The following GLB1L2 variants were observed in gnomAD, a reference collection of about 807,000 sequenced individuals.
GLB1L2 encodes galactosidase beta 1 like 2.
In GLB1L2, 68 loss-of-function variants were observed where a neutral mutation model predicts 84.1. That is an observed-to-expected ratio of 0.81 (90% CI 0.67 to 0.99). The LOEUF (loss-of-function observed/expected upper bound fraction) is 0.99. Ranked by LOEUF, GLB1L2 falls within the 50% of genes least tolerant of loss-of-function variation. The pLI is 0.00. For synonymous variants in GLB1L2, 290 were observed against 318.0 expected, an observed-to-expected ratio of 0.91 and a Z score of 0.94; for missense variants, 762 against 805.6, an observed-to-expected ratio of 0.95 and a Z score of 0.66.
rs752569571 is a variant in GLB1L2, at chr11:134,375,007, A to G, written c.1860A>G (p.Ala620=). ...TTGAGGAGACGATGGCGGGCCCTGCATTACAGTTCACGGAAACCCCCCACC... is the reference window on the plus strand; with the variant it reads ...TTGAGGAGACGATGGCGGGCCCTGCGTTACAGTTCACGGAAACCCCCCACC... ...IVFEETMAGP[A]LQFTETPHLG... is the part of the protein sequence containing the mutation. The change falls in exon 19 of 19, where the codon GCA becomes GCG. Residue 620 remains alanine, a synonymous_variant. Transcript: ENST00000535456. 1.9e-6 allele frequency: 3 copies of G among 1,613,846 alleles called. No homozygotes were observed. The highest frequency in any genetic ancestry group is 2.5e-6 in the Non-Finnish European group (3 of 1,179,972).
At chr11:134,374,044 C>T (rs1333342750) in intron 16 of GLB1L2, 101 bp from the exon 17 acceptor site, 1 of 879,812 alleles carries the variant, frequency 1.1e-6, no homozygotes, top group Non-Finnish European at 1.9e-6. Context: ...AGGCGGGGGG[C>T]CTTGGATGGG....
intron 10 of GLB1L2, among the ~76,000 whole-genome samples, chr11:134,369,518 G>T (rs1442824693): frequency 6.6e-6 from 1 of 151,780 alleles, no homozygotes; most frequent in Non-Finnish European, 1.5e-5. Context: ...GCCTCCCAAA[G>T]TGCTGGGATT....
rs1377690371 is a variant in GLB1L2, at chr11:134,339,158, G to A, written c.87-3596G>A. ...ACAGAAACACGCTGGGCTTCCTTAG[G>A]ATTTGGTTAGCTGCTTGGTATCAAG... On this transcript the variant is annotated intron_variant, in intron 1 of 18. Coordinates refer to ENST00000535456, the MANE Select transcript of GLB1L2 (RefSeq NM_001370461.1). The surrounding 1 kb of genome is among the most constrained non-coding windows in gnomAD (Gnocchi z 5.7). Among the ~76,000 whole-genome samples, 24 of 152,296 alleles carry A rather than the reference G, an allele frequency of 1.6e-4. No homozygotes were observed. Among genetic ancestry groups the A allele is most frequent in the Admixed American group, 1.5e-3 (23 of 15,298 alleles).
chr11:134,375,058 A>G lies in GLB1L2; in HGVS notation c.1911A>G (p.Ter637TrpextTer163), dbSNP rs1447973989. The G allele has an allele frequency of 6.2e-7, 1 of 1,612,600 alleles. No individual in the cohort carries two copies. Among genetic ancestry groups the G allele is most frequent in the African/African-American group, 1.3e-5 (1 of 74,880 alleles). Reference protein sequence around the residue: ...PHLGRNQYIK* With the variant: ...PHLGRNQYIKW ...TGGGCAGGAACCAGTACATTAAGTG[A>G]GCGGTGGCACCCCCTCCTGCTGGTG... The change falls in exon 19 of 19, where the codon TGA becomes TGG. Residue 637 changes from the stop codon to tryptophan (W), a stop_lost. Coordinates refer to ENST00000535456, the MANE Select transcript of GLB1L2 (RefSeq NM_001370461.1).
intron 7 of GLB1L2, among the ~76,000 whole-genome samples, chr11:134,363,667 T>A (rs1943828957): frequency 6.6e-6 from 1 of 152,224 alleles, no homozygotes. Context: ...TTTGTTTACA[T>A]CATTACCTTG....
chr11:134,348,654 C>T (rs1025381958), intron 5 of GLB1L2, among the ~76,000 whole-genome samples: 14 of 152,252 alleles, frequency 9.2e-5, no homozygotes, highest in Admixed American at 7.8e-4. Flanking sequence ...TACAGCTCAG[C>T]GGCATTGAGT....
intron 2 of GLB1L2, among the ~76,000 whole-genome samples, chr11:134,344,130 T>TA (rs532088955): frequency 1.3e-4 from 20 of 152,364 alleles, no homozygotes; most frequent in Admixed American, 1.3e-3. Context: ...CATGGTAAGC[T>TA]AACTGGGGTC....
chr11:134,374,293 C>A, intron 17 of GLB1L2, 37 bp downstream of exon 17: 1 of 1,473,092 alleles, frequency 6.8e-7, no homozygotes, highest in Non-Finnish European at 9.5e-7. Flanking sequence ...TTTCTCCCAC[C>A]TGCCTCCCGC....
intron 3 of GLB1L2, 64 bp from the exon 4 acceptor site, chr11:134,344,970 G>A (rs1202393043): frequency 1.6e-5 from 25 of 1,546,910 alleles, no homozygotes; most frequent in African/African-American, 4.0e-5. Context: ...TGTGATGCGC[G>A]TGGCCCCCAC....
chr11:134,335,582 C>A (rs571156512), intron 1 of GLB1L2, among the ~76,000 whole-genome samples: 2 of 152,138 alleles, frequency 1.3e-5, no homozygotes, highest in East Asian at 3.9e-4. Flanking sequence ...AGAAGGAGAC[C>A]AGAGTTGTCT....
In GLB1L2 at chr11:134,364,331, T is replaced by TGGCC; in HGVS notation, c.738_741dup (p.Thr248GlyfsTer38). The stretch of plus-strand genomic sequence containing the variant: ...TCTCTCCTCTTCCCTTTAACAGTCT[T>TGGCC]GGCCACCATCAACTTGCAGTCAACA... On this transcript the variant is annotated frameshift_variant, in exon 8 of 19. Coordinates refer to ENST00000535456, the MANE Select transcript of GLB1L2 (RefSeq NM_001370461.1). LOFTEE classifies it high-confidence loss of function. 1 of 1,613,652 alleles carries TGGCC rather than the reference T, an allele frequency of 6.2e-7. No individual in the cohort carries two copies. The highest frequency in any genetic ancestry group is 8.5e-7 in the Non-Finnish European group (1 of 1,179,654).
rs561502964 is a variant in GLB1L2 at position 134,336,620 on chromosome 11, A to G, written c.86+4473A>G. On this transcript the variant is annotated intron_variant, in intron 1 of 18. Transcript: ENST00000535456. The stretch of plus-strand genomic sequence containing the variant: ...TAAATCTTGATAGACATTTCCAAAT[A>G]GTACATTTTATTTCTGTTGGATCAA... Among the ~76,000 whole-genome samples the G allele has an allele frequency of 2.6e-5, 4 of 152,326 alleles. No individual in the cohort carries two copies. The East Asian group carries it at 7.7e-4, about 29-fold the overall frequency.
At position 134,374,194 on chromosome 11, in the gene GLB1L2, G is replaced by T. The variant is rs1056887565; in HGVS notation, c.1645G>T (p.Ala549Ser). 2 of 1,614,034 alleles carry T rather than the reference G, an allele frequency of 1.2e-6. No homozygotes were observed. The highest frequency in any genetic ancestry group is 3.3e-5 in the Admixed American group (2 of 59,992). ...CCTCCCAGAAACACCCACATTACCT[G>T]CTTTCTTCTTGGGTAGCTTGTCCAT... is the stretch of plus-strand genomic sequence containing the variant. ...SSLPETPTLP[A>S]FFLGSLSISS... The change falls in exon 17 of 19, where the codon GCT becomes TCT. Residue 549 changes from alanine (A) to serine (S), a missense_variant. Around this residue, in one of 3 missense-constraint regions of GLB1L2, gnomAD observed 603 missense variants for 611.7 expected, o/e 0.99. Coordinates refer to ENST00000535456, the MANE Select transcript of GLB1L2 (RefSeq NM_001370461.1).
At chr11:134,337,672 G>A (rs935011480) in intron 1 of GLB1L2, among the ~76,000 whole-genome samples, 1 of 152,204 alleles carries the variant, frequency 6.6e-6, no homozygotes, top group African/African-American at 2.4e-5. Flanking sequence ...TCCTGAGAGT[G>A]ATGAAGTCTG....
At chr11:134,351,192 T>C (rs1480084378) in intron 5 of GLB1L2, among the ~76,000 whole-genome samples, 2 of 152,210 alleles carry the variant, frequency 1.3e-5, no homozygotes, top group Admixed American at 1.3e-4. Flanking sequence ...TATGTTGAGG[T>C]AGTTTCCTTC....
intron 9 of GLB1L2, 31 bp from the exon 10 acceptor site, chr11:134,368,613 C>T (rs781314364): frequency 1.9e-6 from 3 of 1,612,308 alleles, no homozygotes; most frequent in East Asian, 4.5e-5. Flanking sequence ...TTAACTCACT[C>T]TGCACATCCC....
chr11:134,347,236 G>A lies in GLB1L2; in HGVS notation c.450-89G>A. The A allele has an allele frequency of 5.4e-6, 5 of 918,734 alleles. No individual in the cohort carries two copies. In the Middle Eastern group the frequency reaches 8.8e-4, roughly 162 times the overall value. 56.9% of individuals were successfully genotyped at this position (918,734 alleles called of 1,614,324 possible). On this transcript the variant is annotated intron_variant, in intron 4 of 18. Coordinates refer to ENST00000535456, the MANE Select transcript of GLB1L2 (RefSeq NM_001370461.1). ...CACAGGTCATTCTGGAGCACTGGGG[G>A]GCCTCTCCCTTCTCACGCATCAACA...
chr11:134,342,026 C>A (rs1348071374), intron 1 of GLB1L2, among the ~76,000 whole-genome samples: 1 of 152,102 alleles, frequency 6.6e-6, no homozygotes, highest in African/African-American at 2.4e-5. Flanking sequence ...TCCTGACCTT[C>A]CTGACTTGAA....
At chr11:134,340,721 G>A (rs1373332062) in intron 1 of GLB1L2, among the ~76,000 whole-genome samples, 1 of 152,222 alleles carries the variant, frequency 6.6e-6, no homozygotes, top group East Asian at 1.9e-4. Flanking sequence ...TGCAGGCCAC[G>A]CAGTCTATCG....
Sources: gnomAD v4.1 joint callset for allele counts (sites outside exome capture counted in the v4.1 genomes callset) on GRCh38, gnomAD v4.1.1 for gene constraint, gnomAD v4.1.1 regional missense constraint, Gnocchi (gnomAD v3.1) non-coding constraint, MANE v1.5 for transcripts, NCBI Gene and HGNC (gene_info 2026-07-23, HGNC 2026-07-21) for gene names.